Variants in CSMD3 observed in about 807,000 individuals in gnomAD.
The protein encoded by CSMD3 is CUB and Sushi multiple domains 3.
A neutral mutation model predicts 435.2 loss-of-function variants in CSMD3; 177 were observed. The observed-to-expected ratio is 0.41, with a 90% CI of 0.36 to 0.46. The LOEUF is 0.46. Ranked by LOEUF, CSMD3 falls within the 20% of genes least tolerant of loss-of-function variation. The pLI, the probability that CSMD3 is intolerant of heterozygous loss-of-function variation, is 0.34. For synonymous variants in CSMD3, 1,656 were observed against 1,520.5 expected, an observed-to-expected ratio of 1.09 and a Z score of -2.07; for missense variants, 4,265 against 4,504.6, an observed-to-expected ratio of 0.95 and a Z score of 1.52.
chr8:112,428,624 C>T (rs1586292653), intron 32 of CSMD3, among the ~76,000 whole-genome samples: 1 of 152,116 alleles, frequency 6.6e-6, no homozygotes, highest in East Asian at 1.9e-4. Flanking sequence ...TTAGCAAATA[C>T]TTACCACCCT....
At chr8:113,278,553 A>T in intron 3 of CSMD3, 39 bp downstream of exon 3, 1 of 955,264 alleles carries the variant, frequency 1.0e-6, no homozygotes, top group Admixed American at 1.7e-5. Context: ...GTTAGATTAC[A>T]TTAAGGGCAG....
chr8:113,174,837 C>T (rs1296793846), intron 3 of CSMD3, among the ~76,000 whole-genome samples: 3 of 151,284 alleles, frequency 2.0e-5, no homozygotes, highest in African/African-American at 7.3e-5. Context: ...AAAGATATTC[C>T]AATTTGAGTA....
intron 1 of CSMD3, among the ~76,000 whole-genome samples, chr8:113,368,814 T>C (rs1436231314): frequency 1.3e-5 from 2 of 152,156 alleles, no homozygotes; most frequent in African/African-American, 4.8e-5. Flanking sequence ...AATTCATATC[T>C]AGTCCTACTT....
chr8:112,944,221 G>A (rs28591658), intron 9 of CSMD3, among the ~76,000 whole-genome samples: 44 of 151,630 alleles, frequency 2.9e-4, no homozygotes, highest in Admixed American at 5.9e-4. Flanking sequence ...CGTTACTAAC[G>A]TAAAAGTATT....
intron 10 of CSMD3, among the ~76,000 whole-genome samples, chr8:112,873,944 G>A (rs980950590): frequency 2.0e-5 from 3 of 151,348 alleles, no homozygotes; most frequent in Admixed American, 6.6e-5. Flanking sequence ...ATTTCTTGTC[G>A]TCTGCTAGTT....
At chr8:113,311,339 TAC>T (rs1019433184) in intron 2 of CSMD3, 4 of 151,416 alleles carry the variant, frequency 2.6e-5, no homozygotes, top group African/African-American at 7.3e-5. Flanking sequence ...AGGCTTAGAG[TAC>T]AGTTTTTAAA....
chr8:112,488,364 C>A (rs1431601232), intron 31 of CSMD3, among the ~76,000 whole-genome samples: 1 of 152,116 alleles, frequency 6.6e-6, no homozygotes, highest in Admixed American at 6.6e-5. Flanking sequence ...GGAGCTTATG[C>A]TCTTCTAGGG....
At chr8:112,482,434 T>C (rs1819716431) in intron 31 of CSMD3, among the ~76,000 whole-genome samples, 1 of 152,204 alleles carries the variant, frequency 6.6e-6, no homozygotes, top group African/African-American at 2.4e-5. Context: ...TTGAATGCTT[T>C]TTAGCATATT....
intron 38 of CSMD3, among the ~76,000 whole-genome samples, chr8:112,364,604 A>G (rs1231615405): frequency 6.6e-6 from 1 of 152,074 alleles, no homozygotes; most frequent in Admixed American, 6.6e-5. Context: ...GAAAGGACAT[A>G]TTCATATTAC....
At position 113,208,006 on chromosome 8, in the gene CSMD3, G is replaced by T. The variant is rs180686921; in HGVS notation, c.515-34090C>A. Reference sequence around the variant, plus strand: ...GCACAATACTGATGAAATTTTAGAGGCCGATGGTAGAATGCTTTATCAAGT... The same window carrying T: ...GCACAATACTGATGAAATTTTAGAGTCCGATGGTAGAATGCTTTATCAAGT... On this transcript the variant is annotated intron_variant, in intron 3 of 70. Transcript: ENST00000297405. 1.3e-3 allele frequency among the ~76,000 whole-genome samples: 203 copies of T among 152,242 alleles called. 1 individual carries two copies. Among genetic ancestry groups the T allele is most frequent in the African/African-American group, 4.7e-3 (197 of 41,572 alleles).
chr8:112,982,315 T>C (rs1199891990), intron 6 of CSMD3, among the ~76,000 whole-genome samples: 1 of 151,904 alleles, frequency 6.6e-6, no homozygotes, highest in Non-Finnish European at 1.5e-5. Flanking sequence ...AAACTGACAA[T>C]AAATGTTGAA....
intron 59 of CSMD3, among the ~76,000 whole-genome samples, chr8:112,273,135 G>A (rs1476509712): frequency 6.6e-6 from 1 of 152,064 alleles, no homozygotes; most frequent in Non-Finnish European, 1.5e-5. Context: ...GAGGAAAAAT[G>A]AAGACAATTC....
chr8:113,362,992 C>T lies in CSMD3; in HGVS notation c.179-48199G>A, dbSNP rs143842248. On this transcript the variant is annotated intron_variant, in intron 1 of 70. Transcript: ENST00000297405. ...TATTCCTTAAAAAATACTGCTCAGC[C>T]CAGCCAGAATACTGACCTTCTGCTA... is the stretch of plus-strand genomic sequence containing the variant. Among the ~76,000 whole-genome samples the T allele has an allele frequency of 5.0e-3, 765 of 152,192 alleles. 7 individuals are homozygous for T. In the Middle Eastern group the frequency reaches 0.092, roughly 18 times the overall value.
At chr8:113,396,115 T>C (rs1299090597) in intron 1 of CSMD3, among the ~76,000 whole-genome samples, 1 of 152,192 alleles carries the variant, frequency 6.6e-6, no homozygotes, top group Non-Finnish European at 1.5e-5. Context: ...AAAAACTCTC[T>C]AAGGAATGAC....
intron 10 of CSMD3, among the ~76,000 whole-genome samples, chr8:112,879,142 G>A (rs541269188): frequency 2.0e-4 from 30 of 152,206 alleles, no homozygotes; most frequent in Non-Finnish European, 3.7e-4. Context: ...CCCAAAATGG[G>A]TAAGAGAAAT....
chr8:113,227,652 G>A (rs2093042547), intron 3 of CSMD3, among the ~76,000 whole-genome samples: 1 of 151,492 alleles, frequency 6.6e-6, no homozygotes, highest in South Asian at 2.1e-4. Context: ...AAAAGTGTTT[G>A]GCAGTTCCTG....
intron 57 of CSMD3, among the ~76,000 whole-genome samples, chr8:112,287,557 C>G (rs1819331209): frequency 6.6e-6 from 1 of 151,990 alleles, no homozygotes; most frequent in Non-Finnish European, 1.5e-5. Flanking sequence ...GTGTAACTGA[C>G]AGTACTATGA....
intron 4 of CSMD3, among the ~76,000 whole-genome samples, chr8:113,160,872 T>C (rs1326664390): frequency 6.6e-6 from 1 of 152,060 alleles, no homozygotes; most frequent in Non-Finnish European, 1.5e-5. Context: ...AAAGAAGTCA[T>C]CTGAAATATG....
At chr8:113,186,166 T>C (rs972463341) in intron 3 of CSMD3, among the ~76,000 whole-genome samples, 1 of 151,998 alleles carries the variant, frequency 6.6e-6, no homozygotes, top group Non-Finnish European at 1.5e-5. Context: ...TGCATGGCCA[T>C]CAACATGTTC....
Sources: allele counts gnomAD v4.1 joint callset (sites outside exome capture counted in the v4.1 genomes callset), GRCh38; gene constraint gnomAD v4.1.1; transcripts MANE v1.5; gene names NCBI Gene and HGNC (gene_info 2026-07-23, HGNC 2026-07-21).